The following SYN3 variants were observed in gnomAD, a reference collection of about 807,000 sequenced individuals.
The protein encoded by SYN3 is synapsin III, also known as synapsin-3.
In SYN3, 35 loss-of-function variants were observed where a neutral mutation model predicts 65.8. The ratio of observed to expected loss-of-function variants is 0.53; its 90% CI spans 0.41 to 0.70. The LOEUF (loss-of-function observed/expected upper bound fraction) is 0.70, where lower values mean the gene tolerates loss of function less well. Among genes scored for constraint, SYN3 ranks in the 30% least tolerant of loss-of-function variants. SYN3 has a pLI of 0.00. For missense variants in SYN3, 680 were observed against 749.0 expected, an observed-to-expected ratio of 0.91 and a Z score of 1.08; for synonymous variants, 270 against 292.9, an observed-to-expected ratio of 0.92 and a Z score of 0.80.
chr22:32,530,693 C>T (rs2058053417), intron 10 of SYN3, among the ~76,000 whole-genome samples: 1 of 151,372 alleles, frequency 6.6e-6, no homozygotes, highest in African/African-American at 2.4e-5. Flanking sequence ...GATTAGGAAA[C>T]TGAAAAGCTA....
chr22:32,578,520 G>A (rs941548956), intron 7 of SYN3, among the ~76,000 whole-genome samples: 1 of 152,140 alleles, frequency 6.6e-6, no homozygotes, highest in Non-Finnish European at 1.5e-5. Context: ...AAAGTGTTGG[G>A]ATTACAGGCA....
intron 6 of SYN3, among the ~76,000 whole-genome samples, chr22:32,650,208 C>A: frequency 7.1e-6 from 1 of 141,620 alleles, no homozygotes; most frequent in African/African-American, 2.9e-5. Flanking sequence ...GCTCTTTACA[C>A]TTTTCTTTCT....
At position 33,044,845 on chromosome 22, in the gene SYN3, T is replaced by TTC. The variant is rs199948919; in HGVS notation, c.-163+13446_-163+13447insGA. Among the ~76,000 whole-genome samples the TTC allele has an allele frequency of 8.8e-4, 119 of 135,438 alleles. 1 individual carries two copies. The East Asian group carries it at 0.027, about 31-fold the overall frequency. 88.9% of individuals were successfully genotyped at this position (135,438 alleles called of 152,430 possible). A position where few individuals can be genotyped will look rare whatever the true frequency, so the allele number is the denominator to read the frequency against. Reference sequence around the variant, plus strand: ...TAACAACCTTCCCAGATGATTCTTCTTTTTTTTTTTTTTTGAGATGGAGTT... The same window carrying TTC: ...TAACAACCTTCCCAGATGATTCTTCTTCTTTTTTTTTTTTTTGAGATGGAGTT... On this transcript the variant is annotated intron_variant, in intron 1 of 13. Coordinates refer to ENST00000358763, the MANE Select transcript of SYN3 (RefSeq NM_003490.4).
chr22:32,722,620 A>G (rs1274506615), intron 6 of SYN3, among the ~76,000 whole-genome samples: 1 of 152,202 alleles, frequency 6.6e-6, no homozygotes, highest in Non-Finnish European at 1.5e-5. Flanking sequence ...GGCCGAGGCC[A>G]GTTTCCCACG....
intron 6 of SYN3, among the ~76,000 whole-genome samples, chr22:32,856,853 C>A (rs1428590332): frequency 2.6e-5 from 4 of 152,218 alleles, no homozygotes; most frequent in Non-Finnish European, 5.9e-5. Flanking sequence ...CACCAATCCA[C>A]TGTCCATCTT....
intron 6 of SYN3, among the ~76,000 whole-genome samples, chr22:32,648,231 A>G (rs892086137): frequency 7.2e-5 from 11 of 152,206 alleles, no homozygotes; most frequent in Non-Finnish European, 2.9e-5. Flanking sequence ...CCCCAATATT[A>G]GCAAACCTCC....
chr22:32,606,319 A>C (rs2059371638), intron 6 of SYN3, among the ~76,000 whole-genome samples: 2 of 152,172 alleles, frequency 1.3e-5, no homozygotes, highest in African/African-American at 4.8e-5. Context: ...TAGACATTTA[A>C]AACAGACTCA....
chr22:33,017,328 C>T (rs1053910181), intron 1 of SYN3, among the ~76,000 whole-genome samples: 1 of 152,156 alleles, frequency 6.6e-6, no homozygotes, highest in African/African-American at 2.4e-5. Context: ...GTGCCTCTAG[C>T]TTTCTTCTTT....
At chr22:32,526,229 C>T (rs1472560380) in intron 12 of SYN3, among the ~76,000 whole-genome samples, 1 of 152,052 alleles carries the variant, frequency 6.6e-6, no homozygotes, top group Non-Finnish European at 1.5e-5. Flanking sequence ...CTGGGGTGGT[C>T]TTGAACCGAA....
intron 6 of SYN3, among the ~76,000 whole-genome samples, chr22:32,641,607 CAAAAAAA>C (rs34461957): frequency 5.9e-5 from 4 of 67,954 alleles, no homozygotes; most frequent in Non-Finnish European, 7.9e-5. Flanking sequence ...GACTCCATCT[CAAAAAAA>C]AAAAAAAAAA....
chr22:32,874,071 T>G (rs2048920817), intron 4 of SYN3, among the ~76,000 whole-genome samples: 1 of 152,060 alleles, frequency 6.6e-6, no homozygotes, highest in African/African-American at 2.4e-5. Flanking sequence ...GAGGCAGAGG[T>G]TGCAGTGAGC....
intron 6 of SYN3, among the ~76,000 whole-genome samples, chr22:32,856,189 C>T (rs186868687): frequency 3.9e-5 from 6 of 152,224 alleles, no homozygotes; most frequent in African/African-American, 9.6e-5. Flanking sequence ...GCTGAGTTCA[C>T]GGGACTCAGG....
chr22:32,666,431 A>C (rs2060291054), intron 6 of SYN3, among the ~76,000 whole-genome samples: 2 of 151,450 alleles, frequency 1.3e-5, no homozygotes, highest in Admixed American at 6.6e-5. Context: ...CCCCTCTCTC[A>C]CTCTGCTCTG....
At chr22:32,902,924 C>A (rs1439291100) in intron 4 of SYN3, among the ~76,000 whole-genome samples, 3 of 150,850 alleles carry the variant, frequency 2.0e-5, no homozygotes, top group Non-Finnish European at 4.4e-5. Flanking sequence ...GAGGAGGACA[C>A]TGAGGTTTAG....
At chr22:32,763,009 C>A (rs1163345119) in intron 6 of SYN3, among the ~76,000 whole-genome samples, 1 of 152,176 alleles carries the variant, frequency 6.6e-6, no homozygotes, top group Non-Finnish European at 1.5e-5. Context: ...ACAATAACAA[C>A]AATTAGTATC....
rs1389335082 is a variant in SYN3, at chr22:32,869,002, G to T, written c.585C>A (p.Leu195=). ...QYGGLPAVNS[L]YSVYNFCSKP... ...TGCTGCAGAAGTTGTAGACGGAGTA[G>T]AGAGAGTTGACAGCAGGCAGCCCTC... Residue 195 remains leucine (L), a synonymous_variant, in exon 5 of 14, where the codon CTC becomes CTA. Coordinates refer to ENST00000358763, the MANE Select transcript of SYN3 (RefSeq NM_003490.4). 6.2e-7 allele frequency: 1 copy of T among 1,614,098 alleles called. No individual in the cohort carries two copies. Among genetic ancestry groups the T allele is most frequent in the South Asian group, 1.1e-5 (1 of 91,070 alleles).
At chr22:32,710,632 C>CAAAAAAAAAAA (rs57427060) in intron 6 of SYN3, among the ~76,000 whole-genome samples, 9 of 74,994 alleles carry the variant, frequency 1.2e-4, no homozygotes, top group African/African-American at 1.9e-4. Flanking sequence ...GACTCTGTCT[C>CAAAAAAAAAAA]AAAAAAAAAA....
At chr22:32,963,128 C>G (rs1234473418) in intron 3 of SYN3, among the ~76,000 whole-genome samples, 1 of 149,660 alleles carries the variant, frequency 6.7e-6, no homozygotes, top group African/African-American at 2.5e-5. Flanking sequence ...CCAGGCTGGA[C>G]AGCAGTGATG....
chr22:32,863,298 T>C (rs927769742), intron 6 of SYN3, among the ~76,000 whole-genome samples: 19 of 152,252 alleles, frequency 1.2e-4, no homozygotes, highest in African/African-American at 4.6e-4. Flanking sequence ...TGTATTAATA[T>C]ATCTGTACCT....
Sources: allele counts gnomAD v4.1 joint callset (sites outside exome capture counted in the v4.1 genomes callset), GRCh38; gene constraint gnomAD v4.1.1; transcripts MANE v1.5; gene names NCBI Gene and HGNC (gene_info 2026-07-23, HGNC 2026-07-21).